The following LRRFIP1 variants were observed in gnomAD, a reference collection of about 807,000 sequenced individuals.
LRRFIP1 encodes LRR binding FLII interacting protein 1.
Under a neutral mutation model 104.4 loss-of-function variants are expected in LRRFIP1, and 62 were observed. The ratio of observed to expected loss-of-function variants is 0.59; its 90% CI spans 0.48 to 0.73. LRRFIP1 has a LOEUF of 0.73. Among genes scored for constraint, LRRFIP1 ranks in the 30% least tolerant of loss-of-function variants. The probability of loss-of-function intolerance (pLI) is 0.00; values close to 1 mark genes in which losing one functional copy is unlikely to be tolerated. For synonymous variants in LRRFIP1, 300 were observed against 299.0 expected, an observed-to-expected ratio of 1.00 and a Z score of -0.03; for missense variants, 796 against 824.5, an observed-to-expected ratio of 0.97 and a Z score of 0.42.
intron 19 of LRRFIP1, among the ~76,000 whole-genome samples, chr2:237,761,136 C>T (rs2059819923): frequency 6.6e-6 from 1 of 152,164 alleles, no homozygotes; most frequent in African/African-American, 2.4e-5. Context: ...ATGTAGACAC[C>T]TCCAGGCCCC....
Position 237,769,939 on chromosome 2 carries a change from T to G in LRRFIP1, c.1460-4T>G. 1 of 1,597,774 alleles carries G rather than the reference T, an allele frequency of 6.3e-7. No homozygotes were observed. On this transcript the variant is annotated splice_polypyrimidine_tract_variant and splice_region_variant and intron_variant, in intron 19 of 23. Coordinates refer to ENST00000308482, the MANE Select transcript of LRRFIP1 (RefSeq NM_001137550.2). ...CTAAACCTGTGTCTTTGTGATTTCT[T>G]TAGATATTAGGTTGAAAAAGCTGGT...
intron 1 of LRRFIP1, among the ~76,000 whole-genome samples, chr2:237,652,074 T>C (rs1269653743): frequency 6.6e-6 from 1 of 152,200 alleles, no homozygotes; most frequent in Non-Finnish European, 1.5e-5. Flanking sequence ...GAAAAGTAGG[T>C]GCAGGTGGTG....
chr2:237,781,250 C>T lies in LRRFIP1; in HGVS notation c.*1718C>T, dbSNP rs757492694. ...CACTCACACATCACGCAGACACGGC[C>T]GGCAGCATGCTGACGCTTTTAGGTA... On this transcript the variant is annotated 3_prime_UTR_variant, in exon 24 of 24. Transcript: ENST00000308482. 6.6e-6 allele frequency among the ~76,000 whole-genome samples: 1 copy of T among 152,214 alleles called. No individual in the cohort carries two copies. The highest frequency in any genetic ancestry group is 1.5e-5 in the Non-Finnish European group (1 of 68,034).
intron 1 of LRRFIP1, among the ~76,000 whole-genome samples, chr2:237,639,834 C>T (rs577244285): frequency 6.6e-6 from 1 of 152,188 alleles, no homozygotes; most frequent in East Asian, 1.9e-4. Context: ...CTGTCCTATG[C>T]ATTATAGGAT....
At chr2:237,670,283 T>TG (rs1470236200) in intron 1 of LRRFIP1, among the ~76,000 whole-genome samples, 1 of 152,168 alleles carries the variant, frequency 6.6e-6, no homozygotes, top group African/African-American at 2.4e-5. Flanking sequence ...TGTGTGGCCT[T>TG]GGGCAGGTCA....
intron 1 of LRRFIP1, among the ~76,000 whole-genome samples, chr2:237,663,430 C>T (rs1207546505): frequency 2.6e-4 from 2 of 7,786 alleles, no homozygotes; most frequent in African/African-American, 3.8e-4. Flanking sequence ...GAGTTCTTTC[C>T]CCCCCCATCC....
chr2:237,733,554 T>G (rs988617051), intron 8 of LRRFIP1, among the ~76,000 whole-genome samples: 1 of 152,204 alleles, frequency 6.6e-6, no homozygotes, highest in African/African-American at 2.4e-5. Context: ...AGTTTACTGT[T>G]TTAAAGTTAA....
intron 12 of LRRFIP1, 87 bp downstream of exon 12, chr2:237,748,486 G>C: frequency 7.9e-7 from 1 of 1,270,880 alleles, no homozygotes; most frequent in Non-Finnish European, 1.1e-6. Flanking sequence ...TTTTTAATAA[G>C]GATGTTCCCC....
rs780533995 is a variant in LRRFIP1 at position 237,755,943 on chromosome 2, T to C, written c.1039-152T>C. ...AGCAAGACTCCATCTCAAAAAAATA[T>C]ATAAATAAAAAATAAAATAAAAGAC... On this transcript the variant is annotated intron_variant, in intron 15 of 23. Coordinates refer to ENST00000308482, the MANE Select transcript of LRRFIP1 (RefSeq NM_001137550.2). The C allele has an allele frequency of 1.3e-5, 6 of 465,460 alleles. 1 individual carries two copies. The highest frequency in any genetic ancestry group is 1.9e-5 in the Non-Finnish European group (5 of 262,556). 28.8% of individuals were successfully genotyped at this position (465,460 alleles called of 1,614,324 possible). A position where few individuals can be genotyped will look rare whatever the true frequency, so the allele number is the denominator to read the frequency against.
chr2:237,774,519 G>T, intron 23 of LRRFIP1, 57 bp downstream of exon 23: 2 of 1,168,738 alleles, frequency 1.7e-6, no homozygotes, highest in Non-Finnish European at 2.5e-6. Flanking sequence ...TCTCTAGTGG[G>T]GACGGTACAG....
chr2:237,745,891 A>G (rs576563845), intron 11 of LRRFIP1, among the ~76,000 whole-genome samples: 188 of 152,236 alleles, frequency 1.2e-3, no homozygotes, highest in Non-Finnish European at 2.3e-3. Context: ...GAGTTAAACT[A>G]GCCTCTTTAT....
intron 3 of LRRFIP1, among the ~76,000 whole-genome samples, chr2:237,716,023 T>G (rs2094320954): frequency 6.6e-6 from 1 of 152,336 alleles, no homozygotes; most frequent in Non-Finnish European, 1.5e-5. Flanking sequence ...TGTGCAGATA[T>G]AATGGGCAAA....
chr2:237,765,563 G>A lies in LRRFIP1; in HGVS notation c.1460-4380G>A. 5.1e-6 allele frequency: 5 copies of A among 975,324 alleles called. No homozygotes were observed. In the African/African-American group the frequency reaches 7.0e-5, roughly 14 times the overall value. The allele number at this position is 975,324 out of a possible 1,614,324, so 60.4% of individuals were successfully genotyped here. ...TGTACAAGCTACTAATTAGACTATA[G>A]TAGGATATTTTAAAGAGCTGAATCA... On this transcript the variant is annotated intron_variant, in intron 19 of 23. Coordinates refer to ENST00000308482, the MANE Select transcript of LRRFIP1 (RefSeq NM_001137550.2).
Position 237,717,268 on chromosome 2 carries a change from C to T in LRRFIP1, c.202-494C>T, listed in dbSNP as rs2094371694. 6.6e-6 allele frequency among the ~76,000 whole-genome samples: 1 copy of T among 152,252 alleles called. No individual in the cohort carries two copies. The highest frequency in any genetic ancestry group is 2.1e-4 in the South Asian group (1 of 4,834). ...TGAATTCTCACAGGCCTAGACTCAG[C>T]ATAGACATCAGGCAGCTAGAACAAG... On this transcript the variant is annotated intron_variant, in intron 3 of 23. Transcript: ENST00000308482. The surrounding 1 kb of genome is among the most constrained non-coding windows in gnomAD (Gnocchi z 4.2).
chr2:237,760,118 A>T lies in LRRFIP1; in HGVS notation c.1372A>T (p.Thr458Ser). ...EIATNGETSDTLNNVGYQGPT... is the reference protein window; with the variant it reads ...EIATNGETSDSLNNVGYQGPT... ...AGCTACCAATGGAGAGACTTCCGAC[A>T]CCCTCAATAATGTTGGATACCAAGG... Residue 458 changes from threonine (T) to serine (S), a missense_variant, in exon 19 of 24, where the codon ACC becomes TCC. Coordinates refer to ENST00000308482, the MANE Select transcript of LRRFIP1 (RefSeq NM_001137550.2). 1 of 1,613,970 alleles carries T rather than the reference A, an allele frequency of 6.2e-7. No individual in the cohort carries two copies. The highest frequency in any genetic ancestry group is 8.5e-7 in the Non-Finnish European group (1 of 1,179,852).
chr2:237,693,533 C>T (rs1298735531), intron 1 of LRRFIP1, among the ~76,000 whole-genome samples: 1 of 152,182 alleles, frequency 6.6e-6, no homozygotes, highest in African/African-American at 2.4e-5. Flanking sequence ...GTTTAAAACT[C>T]TGGCAGTGGG....
intron 18 of LRRFIP1, among the ~76,000 whole-genome samples, chr2:237,759,194 C>T (rs977837105): frequency 6.6e-6 from 1 of 152,148 alleles, no homozygotes; most frequent in African/African-American, 2.4e-5. Context: ...GGAACAGTGA[C>T]TTGGGTAAGT....
Position 237,758,716 on chromosome 2 carries a change from G to A in LRRFIP1, c.1225-13G>A. 1.3e-6 allele frequency: 2 copies of A among 1,588,068 alleles called. No individual in the cohort carries two copies. Among genetic ancestry groups the A allele is most frequent in the Non-Finnish European group, 1.7e-6 (2 of 1,159,708 alleles). On this transcript the variant is annotated splice_polypyrimidine_tract_variant and intron_variant, in intron 17 of 23. Coordinates refer to ENST00000308482, the MANE Select transcript of LRRFIP1 (RefSeq NM_001137550.2). ...AAATCTTCTTCTTTCTCTTGGCTCT[G>A]CTGCACACTCAGGCATTAGAGAGGC...
At chr2:237,756,055 TG>T in intron 15 of LRRFIP1, 39 bp from the exon 16 acceptor site, 1 of 1,411,194 alleles carries the variant, frequency 7.1e-7, no homozygotes, top group Non-Finnish European at 1.0e-6. Flanking sequence ...GCCAGAAACA[TG>T]GGATTCCACT....
Sources: gnomAD v4.1 joint callset for allele counts (sites outside exome capture counted in the v4.1 genomes callset) on GRCh38, gnomAD v4.1.1 for gene constraint, Gnocchi (gnomAD v3.1) non-coding constraint, MANE v1.5 for transcripts, NCBI Gene and HGNC (gene_info 2026-07-23, HGNC 2026-07-21) for gene names.